SYT12: variants seen among roughly 807,000 people sequenced by gnomAD.
SYT12 encodes synaptotagmin 12, also known as synaptotagmin-12.
In SYT12, 27 loss-of-function variants were observed where a neutral mutation model predicts 39.5. The ratio of observed to expected loss-of-function variants is 0.68; its 90% CI spans 0.50 to 0.94. The LOEUF is 0.94. SYT12 is among the 40% of genes least tolerant of loss of function. The pLI is 0.00. For missense variants in SYT12, 536 were observed against 572.6 expected (o/e 0.94, Z 0.65); for synonymous variants, 233 against 239.7 (o/e 0.97, Z 0.26).
intron 1 of SYT12, among the ~76,000 whole-genome samples, chr11:67,008,101 G>A (rs1252246114): frequency 1.3e-5 from 2 of 151,522 alleles, no homozygotes; most frequent in African/African-American, 2.4e-5. Flanking sequence ...CTAGAGGCGC[G>A]TGCCACCACG....
chr11:67,018,627 C>T (rs1950078297), upstream of SYT12, among the ~76,000 whole-genome samples: 2 of 151,996 alleles, frequency 1.3e-5, no homozygotes, highest in African/African-American at 4.8e-5. Flanking sequence ...TCAAGACCAT[C>T]CTGGCTAACA....
chr11:67,045,573 G>C, intron 6 of SYT12, 171 bp from the exon 7 acceptor site: 4 of 985,010 alleles, frequency 4.1e-6, no homozygotes, highest in Non-Finnish European at 5.9e-6. Flanking sequence ...GTGAGCCTCA[G>C]TTTTCTCATC....
chr11:67,016,678 C>T (rs190955175), intron 3 of SYT12, among the ~76,000 whole-genome samples: 11 of 152,292 alleles, frequency 7.2e-5, no homozygotes, highest in South Asian at 2.1e-4. Flanking sequence ...TGATGGGATG[C>T]GGTGCTGCAA....
upstream of SYT12, among the ~76,000 whole-genome samples, chr11:67,021,623 G>A (rs565617074): frequency 2.6e-5 from 4 of 152,254 alleles, no homozygotes; most frequent in South Asian, 6.2e-4. Context: ...CCCTATTAGA[G>A]TCTGGCCCCT....
At chr11:67,025,578 C>A (rs575504517) in intron 1 of SYT12, among the ~76,000 whole-genome samples, 6 of 152,268 alleles carry the variant, frequency 3.9e-5, no homozygotes, top group Non-Finnish European at 7.4e-5. Context: ...TAGCCAAAGA[C>A]ACAGTCCTTC....
chr11:67,036,064 G>A (rs1354721533), intron 3 of SYT12, among the ~76,000 whole-genome samples: 3 of 151,264 alleles, frequency 2.0e-5, no homozygotes, highest in African/African-American at 7.3e-5. Flanking sequence ...ACAGGCCCAA[G>A]CCACCATGCC....
At chr11:67,035,597 A>G (rs1757773590) in intron 3 of SYT12, among the ~76,000 whole-genome samples, 3 of 149,880 alleles carry the variant, frequency 2.0e-5, no homozygotes, top group South Asian at 4.2e-4. Context: ...AGCTGGGACT[A>G]CAGGCACCCG....
At chr11:67,022,993 G>C (rs1355985802), upstream of SYT12, 1 of 152,286 alleles carries the variant, frequency 6.6e-6, no homozygotes. Flanking sequence ...CTAGAACCCA[G>C]GCCGGCTGGC....
At chr11:67,047,668 C>T (rs932980873) in intron 7 of SYT12, among the ~76,000 whole-genome samples, 4 of 144,850 alleles carry the variant, frequency 2.8e-5, no homozygotes, top group Admixed American at 7.0e-5. Context: ...GGAGGCCAGG[C>T]GTGGTGGCTC....
Position 67,050,272 on chromosome 11 carries a change from C to T in SYT12, c.*1515C>T, listed in dbSNP as rs1481328849. The T allele has an allele frequency of 1.3e-5, 2 of 152,402 alleles. No individual in the cohort carries two copies. The highest frequency in any genetic ancestry group is 2.9e-5 in the Non-Finnish European group (2 of 68,202). The allele number at this position is 152,402 out of a possible 1,614,324, so 9.4% of individuals were successfully genotyped here. A position where few individuals can be genotyped will look rare whatever the true frequency, so the allele number is the denominator to read the frequency against. ...GTCCCAGGAAGCCGCTTCTTGCCTT[C>T]ATGGCTGAGTGCTGGGAAGGGCTGA... On this transcript the variant is annotated 3_prime_UTR_variant, in exon 8 of 8. Coordinates refer to ENST00000527043, the MANE Select transcript of SYT12 (RefSeq NM_177963.4).
At position 67,040,159 on chromosome 11, in the gene SYT12, C is replaced by A. The variant is rs374157812; in HGVS notation, c.577C>A (p.Arg193Ser). The A allele has an allele frequency of 9.4e-6, 15 of 1,599,582 alleles. No individual in the cohort carries two copies. The highest frequency in any genetic ancestry group is 2.2e-5 in the East Asian group (1 of 44,588). The change falls in exon 4 of 8, where the codon CGC (arginine) becomes AGC (serine). Residue 193 changes from arginine (R) to serine (S), a missense_variant. Physicochemically the swap from Arg to Ser is moderately radical, Grantham distance 110. Coordinates refer to ENST00000527043, the MANE Select transcript of SYT12 (RefSeq NM_177963.4). ...EEASFESCFM[R>S]VSLLPDEQIV... is the part of the protein sequence containing the mutation. ...GGCCAGCTTCGAGTCCTGCTTCATG[C>A]GCGTCAGCCTGCTGCCGGACGAGCA...
intron 1 of SYT12, among the ~76,000 whole-genome samples, chr11:67,025,412 G>A (rs1366306376): frequency 6.6e-6 from 1 of 152,176 alleles, no homozygotes; most frequent in East Asian, 1.9e-4. Flanking sequence ...ATGGGGAGGG[G>A]TGCTGCAGAG....
At chr11:67,022,263 A>G (rs1258371029), upstream of SYT12, among the ~76,000 whole-genome samples, 2 of 152,066 alleles carry the variant, frequency 1.3e-5, no homozygotes, top group Non-Finnish European at 2.9e-5. Context: ...AAAGGCCCAG[A>G]GTGTAGATGA....
chr11:67,034,758 A>G lies in SYT12; in HGVS notation c.148A>G (p.Ser50Gly). ...GCTCTGGACGTCGGGGAGCTTCCCC[A>G]GCCCCTCTCCGTTCCCCAATTACGA... The part of the protein sequence containing the change: ...WKLWTSGSFP[S>G]PSPFPNYDYR... The change falls in exon 3 of 8, where the codon AGC becomes GGC. Residue 50 changes from serine to glycine, a missense_variant. Physicochemically the swap from Ser to Gly is moderately conservative, Grantham distance 56. Coordinates refer to ENST00000527043, the MANE Select transcript of SYT12 (RefSeq NM_177963.4). 2 of 1,603,256 alleles carry G rather than the reference A, an allele frequency of 1.2e-6. No individual in the cohort carries two copies. The highest frequency in any genetic ancestry group is 1.7e-6 in the Non-Finnish European group (2 of 1,176,114).
intron 3 of SYT12, among the ~76,000 whole-genome samples, chr11:67,038,172 T>C (rs1950421876): frequency 6.6e-6 from 1 of 151,802 alleles, no homozygotes. Flanking sequence ...TATTTATTTA[T>C]TTATTTATTT....
chr11:67,037,537 C>T (rs1209214137), intron 3 of SYT12, among the ~76,000 whole-genome samples: 1 of 148,178 alleles, frequency 6.7e-6, no homozygotes, highest in Non-Finnish European at 1.5e-5. Flanking sequence ...AAAGCAAGAT[C>T]TCATCTCTAC....
chr11:67,049,304 A>G lies in SYT12; in HGVS notation c.*547A>G, dbSNP rs1425888914. ...TGAGCATGTCGCAGGCAGCGGGCCC[A>G]GCCTGAGCAATGGCAGGATGTGAAC... On this transcript the variant is annotated 3_prime_UTR_variant, in exon 8 of 8. Coordinates refer to ENST00000527043, the MANE Select transcript of SYT12 (RefSeq NM_177963.4). 6.5e-6 allele frequency: 1 copy of G among 152,842 alleles called. No individual in the cohort carries two copies. Among genetic ancestry groups the G allele is most frequent in the Non-Finnish European group, 1.5e-5 (1 of 68,502 alleles). The allele number at this position is 152,842 out of a possible 1,614,324, so 9.5% of individuals were successfully genotyped here.
upstream of SYT12, among the ~76,000 whole-genome samples, chr11:67,021,546 G>T (rs1399040972): frequency 6.6e-6 from 1 of 152,062 alleles, no homozygotes; most frequent in Admixed American, 6.5e-5. Context: ...CTCCTAAAGT[G>T]CTGGGATTAC....
chr11:67,046,393 A>G (rs1854552248), intron 7 of SYT12, among the ~76,000 whole-genome samples: 1 of 152,176 alleles, frequency 6.6e-6, no homozygotes, highest in Non-Finnish European at 1.5e-5. Context: ...CCCTGCTTGC[A>G]TGCCTCGGAG....
Sources: gnomAD v4.1 joint callset for allele counts (sites outside exome capture counted in the v4.1 genomes callset) on GRCh38, gnomAD v4.1.1 for gene constraint, MANE v1.5 for transcripts, NCBI Gene and HGNC (gene_info 2026-07-23, HGNC 2026-07-21) for gene names.